ANKRD44: variants seen among roughly 807,000 people sequenced by gnomAD.
ANKRD44 encodes the protein ankyrin repeat domain 44.
A neutral mutation model predicts 116.0 loss-of-function variants in ANKRD44; 35 were observed. The ratio of observed to expected loss-of-function variants is 0.30; its 90% confidence interval spans 0.23 to 0.40. The LOEUF is 0.40. Ranked by LOEUF, ANKRD44 falls within the 10% of genes least tolerant of loss-of-function variation. The pLI, the probability that ANKRD44 is intolerant of heterozygous loss-of-function variation, is 1.00. For synonymous variants in ANKRD44, 435 were observed against 461.8 expected, an observed-to-expected ratio of 0.94 and a Z score of 0.74; for missense variants, 1,014 against 1,242.6, an observed-to-expected ratio of 0.82 and a Z score of 2.77.
chr2:197,100,162 C>T (rs1314372150), intron 9 of ANKRD44, among the ~76,000 whole-genome samples: 1 of 152,164 alleles, frequency 6.6e-6, no homozygotes, highest in South Asian at 2.1e-4. Flanking sequence ...TGAGGCCGGG[C>T]GTGGTGGCTA....
At chr2:197,258,488 G>T (rs956438196) in intron 1 of ANKRD44, among the ~76,000 whole-genome samples, 1 of 151,910 alleles carries the variant, frequency 6.6e-6, no homozygotes, top group Non-Finnish European at 1.5e-5. Flanking sequence ...CAATTCATAC[G>T]TCATTGGACG....
intron 16 of ANKRD44, among the ~76,000 whole-genome samples, chr2:197,041,343 C>A (rs1246131043): frequency 6.6e-6 from 1 of 152,152 alleles, no homozygotes; most frequent in African/African-American, 2.4e-5. Context: ...ATGGGCTACC[C>A]TCTCCTGGTT....
chr2:197,190,840 A>G (rs1032424332), intron 1 of ANKRD44, among the ~76,000 whole-genome samples: 1 of 152,224 alleles, frequency 6.6e-6, no homozygotes, highest in African/African-American at 2.4e-5. Flanking sequence ...TACCTGCACA[A>G]GAGCAGAGTC....
chr2:197,158,094 G>A (rs974998430), intron 2 of ANKRD44, among the ~76,000 whole-genome samples: 1 of 152,172 alleles, frequency 6.6e-6, no homozygotes, highest in Admixed American at 6.5e-5. Flanking sequence ...TGGCCAAGAC[G>A]CTGTGCTTTG....
intron 1 of ANKRD44, among the ~76,000 whole-genome samples, chr2:197,300,224 AC>A (rs1372479514): frequency 6.6e-6 from 1 of 151,996 alleles, no homozygotes; most frequent in Non-Finnish European, 1.5e-5. Context: ...ATATGCAAAC[AC>A]CTCTCCTATC....
At chr2:197,155,097 C>G (rs908892168) in intron 2 of ANKRD44, among the ~76,000 whole-genome samples, 7 of 152,146 alleles carry the variant, frequency 4.6e-5, no homozygotes, top group Admixed American at 4.6e-4. Flanking sequence ...CCTTACATAA[C>G]TAGACACTGG....
chr2:197,204,264 C>G (rs6758626), intron 1 of ANKRD44, among the ~76,000 whole-genome samples: 26,839 of 151,984 alleles, frequency 0.18, 2,713 homozygotes, highest in Non-Finnish European at 0.22. Flanking sequence ...CACAGAAAAA[C>G]AAGGACTAGA....
At position 197,121,658 on chromosome 2, in the gene ANKRD44, A is replaced by C. The variant is rs896137313; in HGVS notation, c.694-114T>G. The C allele has an allele frequency of 3.8e-5, 33 of 879,232 alleles. No individual in the cohort carries two copies. The African/African-American group carries it at 5.2e-4, about 14-fold the overall frequency. 54.5% of individuals were successfully genotyped at this position (879,232 alleles called of 1,614,324 possible). A position where few individuals can be genotyped will look rare whatever the true frequency, so the allele number is the denominator to read the frequency against. On this transcript the variant is annotated intron_variant, in intron 7 of 27. Coordinates refer to ENST00000282272, the MANE Select transcript of ANKRD44 (RefSeq NM_001195144.2). ...AAAGGAAATAGCCATCCGCCAATAT[A>C]ATTGTTCAGAGCTTACTCTTGCCCC...
intron 4 of ANKRD44, chr2:197,133,850 A>G (rs1356201363): frequency 6.6e-6 from 1 of 152,014 alleles, no homozygotes; most frequent in Non-Finnish European, 1.5e-5. Flanking sequence ...CAGGACAGCA[A>G]TGTGCTTGGA....
chr2:197,138,431 G>A (rs1360749634), intron 3 of ANKRD44, among the ~76,000 whole-genome samples: 1 of 149,408 alleles, frequency 6.7e-6, no homozygotes, highest in East Asian at 1.9e-4. Flanking sequence ...AGAAAATCCA[G>A]ATGTGATTAA....
intron 21 of ANKRD44, among the ~76,000 whole-genome samples, chr2:196,973,194 T>C (rs568679764): frequency 5.3e-5 from 8 of 152,330 alleles, no homozygotes; most frequent in Non-Finnish European, 1.0e-4. Flanking sequence ...CTATCATTGA[T>C]GTTGAGATTA....
rs370301388 is a variant in ANKRD44, at chr2:196,998,320, T to C, written c.2748+17A>G. ...ATTATAACGTGAAGTAATAATATTT[T>C]AAATTCATTTACATACTTTACTACA... is the stretch of plus-strand genomic sequence containing the variant. On this transcript the variant is annotated intron_variant, in intron 25 of 27. Transcript: ENST00000282272. 2.6e-5 allele frequency: 40 copies of C among 1,551,434 alleles called. No individual in the cohort carries two copies. Among genetic ancestry groups the C allele is most frequent in the Non-Finnish European group, 3.5e-5 (39 of 1,126,004 alleles).
intron 22 of ANKRD44, among the ~76,000 whole-genome samples, chr2:197,001,319 A>T (rs1235295176): frequency 6.6e-6 from 1 of 152,224 alleles, no homozygotes; most frequent in Admixed American, 6.5e-5. Flanking sequence ...GCAAAAATTA[A>T]ATTTATCAGA....
chr2:197,082,248 G>A (rs1023662036), intron 14 of ANKRD44, among the ~76,000 whole-genome samples: 3 of 152,134 alleles, frequency 2.0e-5, no homozygotes, highest in East Asian at 1.9e-4. Context: ...CTGGAGCTTG[G>A]CACATAGTAG....
intron 16 of ANKRD44, among the ~76,000 whole-genome samples, chr2:197,048,322 A>T (rs999713613): frequency 2.6e-5 from 4 of 152,004 alleles, no homozygotes; most frequent in African/African-American, 9.7e-5. Flanking sequence ...TATTTCTCCT[A>T]ATGCTATCCC....
intron 1 of ANKRD44, among the ~76,000 whole-genome samples, chr2:197,268,412 G>C (rs577389680): frequency 3.8e-4 from 58 of 152,328 alleles, no homozygotes; most frequent in African/African-American, 1.3e-3. Context: ...AGAAAAGAGA[G>C]AAACTATCAT....
In ANKRD44 at chr2:197,037,680, G is replaced by A. The variant is rs931141753; in HGVS notation, c.1651-12413C>T. On this transcript the variant is annotated intron_variant, in intron 16 of 27. Coordinates refer to ENST00000282272, the MANE Select transcript of ANKRD44 (RefSeq NM_001195144.2). ...AAGCTGGATGCAGTGGCTTATGCCT[G>A]TAATCTCAGCACTTTGAGAGGCCAA... Among the ~76,000 whole-genome samples, 7 of 152,230 alleles carry A rather than the reference G, an allele frequency of 4.6e-5. No homozygotes were observed. The East Asian group carries it at 1.3e-3, about 29-fold the overall frequency.
At chr2:197,124,673 A>G (rs2078935901) in intron 6 of ANKRD44, among the ~76,000 whole-genome samples, 1 of 152,208 alleles carries the variant, frequency 6.6e-6, no homozygotes. Flanking sequence ...GTGCTGATAG[A>G]ATCCTGTCTA....
At chr2:197,060,154 G>A (rs1420468128) in intron 16 of ANKRD44, among the ~76,000 whole-genome samples, 2 of 150,490 alleles carry the variant, frequency 1.3e-5, no homozygotes, top group Non-Finnish European at 3.0e-5. Flanking sequence ...AATTCTAACA[G>A]AGCAACTACT....
Sources: gnomAD v4.1 joint callset for allele counts (sites outside exome capture counted in the v4.1 genomes callset) on GRCh38, gnomAD v4.1.1 for gene constraint, MANE v1.5 for transcripts, NCBI Gene and HGNC (gene_info 2026-07-23, HGNC 2026-07-21) for gene names.